Variants in TXNDC8 observed in about 807,000 individuals in gnomAD.
TXNDC8 encodes thioredoxin domain-containing protein 8.
In TXNDC8, 15 loss-of-function variants were observed where a neutral mutation model predicts 12.9. The ratio of observed to expected loss-of-function variants is 1.16; its 90% confidence interval spans 0.78 to 1.79. The LOEUF (loss-of-function observed/expected upper bound fraction) is 1.79. Ranked by LOEUF, TXNDC8 falls within the 40% of genes most tolerant of loss-of-function variation. The pLI, the probability that TXNDC8 is intolerant of heterozygous loss-of-function variation, is 0.00. For synonymous variants in TXNDC8, 40 were observed against 35.4 expected (o/e 1.13, Z -0.46); for missense variants, 128 against 113.2 (o/e 1.13, Z -0.59).
intron 3 of TXNDC8, among the ~76,000 whole-genome samples, chr9:110,321,702 A>G (rs1360557550): frequency 6.7e-6 from 1 of 148,166 alleles, no homozygotes; most frequent in Non-Finnish European, 1.5e-5. Context: ...ATGTTCACGG[A>G]CACCTTCCTA....
Position 110,337,771 on chromosome 9 carries a change from G to C in TXNDC8, c.24+2C>G. ...ACTCAGTGAAGCCAAATAAATACTTGCCGTGTCTTTAATAATCTGTACCAT... is the reference window on the plus strand; with the variant it reads ...ACTCAGTGAAGCCAAATAAATACTTCCCGTGTCTTTAATAATCTGTACCAT... On this transcript the variant is annotated splice_donor_variant, in intron 1 of 4. Coordinates refer to ENST00000423740, the MANE Select transcript of TXNDC8 (RefSeq NM_001286946.2). LOFTEE classifies it high-confidence loss of function. 1 of 1,613,796 alleles carries C rather than the reference G, an allele frequency of 6.2e-7. No homozygotes were observed. Among genetic ancestry groups the C allele is most frequent in the Non-Finnish European group, 8.5e-7 (1 of 1,179,836 alleles).
At chr9:110,305,582 C>CTTTCTT (rs1554700832) in intron 3 of TXNDC8, among the ~76,000 whole-genome samples, 1 of 140,266 alleles carries the variant, frequency 7.1e-6, no homozygotes, top group East Asian at 2.1e-4. Context: ...TTCTTTCTTT[C>CTTTCTT]TTTCTTTCTT....
chr9:110,319,093 A>G (rs926561325), intron 3 of TXNDC8, among the ~76,000 whole-genome samples: 5 of 152,286 alleles, frequency 3.3e-5, no homozygotes, highest in Admixed American at 3.3e-4. Context: ...CCCCCAGTCA[A>G]TCTCTGCCAG....
rs201086735 is a variant in TXNDC8, at chr9:110,304,513, A to T, written c.215T>A (p.Ile72Asn). 620 of 1,609,806 alleles carry T rather than the reference A, an allele frequency of 3.9e-4. 6 individuals are homozygous for T. The South Asian group carries it at 5.7e-3, about 15-fold the overall frequency. Reference sequence around the variant, plus strand: ...TCTATAACAGCAAATTATTCTTTTGATTCTTGAGAATAGGGTTACCTAAGT... The same window carrying T: ...TCTATAACAGCAAATTATTCTTTTGTTTCTTGAGAATAGGGTTACCTAAGT... Residue 72 changes from isoleucine to asparagine, a missense_variant, in exon 4 of 5, where the codon ATC becomes AAC. Coordinates refer to ENST00000423740, the MANE Select transcript of TXNDC8 (RefSeq NM_001286946.2).
chr9:110,329,919 A>G (rs1385977123), intron 2 of TXNDC8, among the ~76,000 whole-genome samples: 2 of 152,160 alleles, frequency 1.3e-5, no homozygotes, highest in Non-Finnish European at 2.9e-5. Context: ...TTTGCAGGAA[A>G]TGGAAGGGGA....
intron 2 of TXNDC8, 145 bp from the exon 3 acceptor site, chr9:110,329,436 T>C: frequency 1.6e-6 from 1 of 643,940 alleles, no homozygotes; most frequent in African/African-American, 1.8e-5. Context: ...CACTACAGCC[T>C]AGAGCCTGAA....
intron 1 of TXNDC8, among the ~76,000 whole-genome samples, chr9:110,334,592 T>C (rs1329279164): frequency 2.0e-5 from 3 of 152,164 alleles, no homozygotes; most frequent in African/African-American, 4.8e-5. Flanking sequence ...CATTGTTCTC[T>C]AGCTGACCCC....
chr9:110,322,565 C>T (rs56205711), intron 3 of TXNDC8: 16,687 of 985,442 alleles, frequency 0.017, 168 homozygotes, highest in Non-Finnish European at 0.019. Context: ...TCCTCAAAAG[C>T]ATAGCTTGAA....
chr9:110,329,083 A>C, intron 2 of TXNDC8, 149 bp downstream of exon 3: 1 of 676,382 alleles, frequency 1.5e-6, no homozygotes, highest in East Asian at 2.8e-5. Context: ...ATAAGAGCAT[A>C]ATGAGGAAGT....
chr9:110,312,246 T>C (rs753071785), intron 3 of TXNDC8, among the ~76,000 whole-genome samples: 1 of 152,220 alleles, frequency 6.6e-6, no homozygotes, highest in Non-Finnish European at 1.5e-5. Context: ...TTGGAAACTA[T>C]TTGTGAGTAT....
At chr9:110,323,882 C>G in intron 3 of TXNDC8, 1 of 1,550,674 alleles carries the variant, frequency 6.4e-7, no homozygotes, top group Non-Finnish European at 8.7e-7. Flanking sequence ...ATTTACCTAG[C>G]TGCTTAAGCA....
In TXNDC8 at chr9:110,328,663, G is replaced by A. The variant is rs547748961; in HGVS notation, c.130-2423C>T. Among the ~76,000 whole-genome samples, 26 of 152,240 alleles carry A rather than the reference G, an allele frequency of 1.7e-4. 1 individual carries two copies. In the South Asian group the frequency reaches 4.1e-3, roughly 24 times the overall value. On this transcript the variant is annotated intron_variant, in intron 2 of 4. Coordinates refer to ENST00000423740, the MANE Select transcript of TXNDC8 (RefSeq NM_001286946.2). ...CTCTAATAAAAATACAAAATTAGCC[G>A]GGCGTGGTGGCACATGCCTGTAATC...
At chr9:110,305,788 C>CTTTTCTTTTCTTTTCTTTCT (rs1554700938) in intron 3 of TXNDC8, among the ~76,000 whole-genome samples, 1 of 90,614 alleles carries the variant, frequency 1.1e-5, no homozygotes, top group South Asian at 4.7e-4. Flanking sequence ...CTTTTCTTTT[C>CTTTTCTTTTCTTTTCTTTCT]TTTCTTTTCT....
At chr9:110,304,643 A>G in intron 3 of TXNDC8, 111 bp from the exon 5 acceptor site, 1 of 986,010 alleles carries the variant, frequency 1.0e-6, no homozygotes, top group Non-Finnish European at 1.5e-6. Flanking sequence ...GTCAGAAAGG[A>G]TCTGCAAAAG....
intron 3 of TXNDC8, among the ~76,000 whole-genome samples, chr9:110,308,848 C>T (rs1838555746): frequency 6.6e-6 from 1 of 152,174 alleles, no homozygotes; most frequent in East Asian, 1.9e-4. Context: ...TGTGGAGTTT[C>T]AAGAGTCATG....
intron 2 of TXNDC8, among the ~76,000 whole-genome samples, chr9:110,330,726 G>A (rs1469270129): frequency 6.6e-6 from 1 of 152,196 alleles, no homozygotes; most frequent in Non-Finnish European, 1.5e-5. Context: ...ATCTGTTTTT[G>A]TGTTGTCACT....
chr9:110,312,832 A>C (rs879296863), intron 3 of TXNDC8, among the ~76,000 whole-genome samples: 1 of 152,148 alleles, frequency 6.6e-6, no homozygotes, highest in Non-Finnish European at 1.5e-5. Context: ...GTCTTGCCTA[A>C]TGTTTTTCCA....
intron 2 of TXNDC8, among the ~76,000 whole-genome samples, chr9:110,330,353 A>G (rs1365653252): frequency 1.3e-5 from 2 of 152,154 alleles, no homozygotes; most frequent in African/African-American, 4.8e-5. Flanking sequence ...AATATTTTCT[A>G]TATGCCACAT....
chr9:110,337,664 A>G lies in TXNDC8; in HGVS notation c.24+109T>C, dbSNP rs184520858. The G allele has an allele frequency of 4.6e-4, 471 of 1,023,072 alleles. No individual in the cohort carries two copies. The African/African-American group carries it at 6.9e-3, about 15-fold the overall frequency. 63.4% of individuals were successfully genotyped at this position (1,023,072 alleles called of 1,614,324 possible). On this transcript the variant is annotated intron_variant, in intron 1 of 4. Transcript: ENST00000423740. The stretch of plus-strand genomic sequence containing the variant: ...GAATTTAGAACTCTCCCCTTGCTAC[A>G]ATGCAATGATAGAATACTGGATAGA...
Sources: gnomAD v4.1 joint callset for allele counts (sites outside exome capture counted in the v4.1 genomes callset) on GRCh38, gnomAD v4.1.1 for gene constraint, MANE v1.5 for transcripts, NCBI Gene and HGNC (gene_info 2026-07-23, HGNC 2026-07-21) for gene names.